ULK4: variants seen among roughly 807,000 people sequenced by gnomAD.
The protein encoded by ULK4 is unc-51 like kinase 4.
Under a neutral mutation model 160.6 loss-of-function variants are expected in ULK4, and 133 were observed. That is an observed-to-expected ratio of 0.83 (90% CI 0.72 to 0.96). The LOEUF (loss-of-function observed/expected upper bound fraction) is 0.96. ULK4 is among the 40% of genes least tolerant of loss of function. ULK4 has a pLI of 0.00. For synonymous variants in ULK4, 534 were observed against 539.8 expected (o/e 0.99, Z 0.15); for missense variants, 1,580 against 1,499.5 (o/e 1.05, Z -0.89).
Position 41,884,503 on chromosome 3 carries a change from A to G in ULK4, c.1578-551T>C, listed in dbSNP as rs150597264. On this transcript the variant is annotated intron_variant, in intron 16 of 36. Transcript: ENST00000301831. ...TCCAGCAGAAAACTGAAGTGGATAAATTACTATTAAATGACATTCAATGTG... is the reference window on the plus strand; with the variant it reads ...TCCAGCAGAAAACTGAAGTGGATAAGTTACTATTAAATGACATTCAATGTG... 4.1e-3 allele frequency among the ~76,000 whole-genome samples: 630 copies of G among 152,342 alleles called. 8 individuals carry two copies. The highest frequency in any genetic ancestry group is 0.015 in the African/African-American group (608 of 41,576).
At chr3:41,830,749 T>C (rs1281275746) in intron 18 of ULK4, among the ~76,000 whole-genome samples, 1 of 151,846 alleles carries the variant, frequency 6.6e-6, no homozygotes. Context: ...GCATCAAAGA[T>C]CTGACAAAAT....
At chr3:41,848,344 T>G (rs2042122005) in intron 17 of ULK4, among the ~76,000 whole-genome samples, 1 of 152,246 alleles carries the variant, frequency 6.6e-6, no homozygotes, top group Admixed American at 6.5e-5. Context: ...TGGATTTTTT[T>G]AATTAGATGT....
chr3:41,941,357 CTTTT>C (rs574203394), intron 2 of ULK4, among the ~76,000 whole-genome samples: 1 of 86,986 alleles, frequency 1.1e-5, no homozygotes, highest in Non-Finnish European at 2.8e-5. Flanking sequence ...AAAAAAAAAC[CTTTT>C]TTTTTAAAGT....
chr3:41,647,464 AC>A (rs1228961317), intron 30 of ULK4, among the ~76,000 whole-genome samples: 1 of 152,144 alleles, frequency 6.6e-6, no homozygotes, highest in Admixed American at 6.5e-5. Flanking sequence ...TCCACTCCAG[AC>A]CCTGTTTGCC....
At chr3:41,360,684 G>A (rs4973942) in intron 35 of ULK4, among the ~76,000 whole-genome samples, 39,628 of 151,950 alleles carry the variant, frequency 0.26, 5,413 homozygotes, top group South Asian at 0.41. Flanking sequence ...CAAATACCAC[G>A]TGTTTTCAAT....
At chr3:41,340,009 GA>G (rs2080647962) in intron 35 of ULK4, among the ~76,000 whole-genome samples, 1 of 152,158 alleles carries the variant, frequency 6.6e-6, no homozygotes, top group Admixed American at 6.5e-5. Context: ...AATGAAAAAG[GA>G]AAATGTCACC....
chr3:41,883,443 T>C (rs1269462262), intron 17 of ULK4, among the ~76,000 whole-genome samples: 1 of 152,208 alleles, frequency 6.6e-6, no homozygotes, highest in Non-Finnish European at 1.5e-5. Flanking sequence ...ACCAATTAAG[T>C]GTAACATACG....
At position 41,607,248 on chromosome 3, in the gene ULK4, T is replaced by C. The variant is rs76534719; in HGVS notation, c.3120+8421A>G. Among the ~76,000 whole-genome samples the C allele has an allele frequency of 3.7e-3, 560 of 152,254 alleles. 4 individuals carry two copies. The East Asian group carries it at 0.04, about 11-fold the overall frequency. ...TAGGGGAAGGGATAAGGTGTATTTG[T>C]ATTCATTCCTTACAACAAAATTATT... is the stretch of plus-strand genomic sequence containing the variant. On this transcript the variant is annotated intron_variant, in intron 31 of 36. Transcript: ENST00000301831.
At chr3:41,665,957 G>C (rs2035338583) in intron 29 of ULK4, among the ~76,000 whole-genome samples, 4 of 152,190 alleles carry the variant, frequency 2.6e-5, no homozygotes. Context: ...ACAGTGAAAG[G>C]ATGCAGATTA....
intron 35 of ULK4, among the ~76,000 whole-genome samples, chr3:41,321,624 T>C (rs1415017484): frequency 2.7e-5 from 3 of 109,576 alleles, no homozygotes; most frequent in Non-Finnish European, 5.6e-5. Context: ...ACAGTCAGTC[T>C]CCCAACAGAT....
chr3:41,771,883 T>C (rs1472434424), intron 21 of ULK4, among the ~76,000 whole-genome samples: 1 of 152,234 alleles, frequency 6.6e-6, no homozygotes, highest in African/African-American at 2.4e-5. Context: ...CAAATCTTAG[T>C]ATTTGAAACT....
chr3:41,647,466 C>G (rs543203733), intron 30 of ULK4, among the ~76,000 whole-genome samples: 1 of 152,168 alleles, frequency 6.6e-6, no homozygotes. Flanking sequence ...CACTCCAGAC[C>G]CTGTTTGCCT....
intron 16 of ULK4, among the ~76,000 whole-genome samples, chr3:41,893,603 C>T (rs541210006): frequency 2.9e-4 from 44 of 151,854 alleles, no homozygotes; most frequent in African/African-American, 1.0e-3. Flanking sequence ...AAGATTTATT[C>T]TCAAAAATGT....
intron 32 of ULK4, among the ~76,000 whole-genome samples, chr3:41,562,696 TG>T (rs1441021042): frequency 6.6e-6 from 1 of 152,186 alleles, no homozygotes; most frequent in Non-Finnish European, 1.5e-5. Flanking sequence ...GCTTTTTTTT[TG>T]CTTTCCATTT....
At position 41,638,467 on chromosome 3, in the gene ULK4, T is replaced by A. The variant is rs144129189; in HGVS notation, c.3072-22750A>T. Among the ~76,000 whole-genome samples, 395 of 152,322 alleles carry A rather than the reference T, an allele frequency of 2.6e-3. 2 individuals carry two copies. The highest frequency in any genetic ancestry group is 8.9e-3 in the African/African-American group (370 of 41,570). On this transcript the variant is annotated intron_variant, in intron 30 of 36. Coordinates refer to ENST00000301831, the MANE Select transcript of ULK4 (RefSeq NM_017886.4). ...TGGTGTATTCTGAAGATACAAAGTGTCACCGAGGCATTGGCATCACTGAAG... is the reference window on the plus strand; with the variant it reads ...TGGTGTATTCTGAAGATACAAAGTGACACCGAGGCATTGGCATCACTGAAG...
At chr3:41,305,993 C>G in intron 35 of ULK4, among the ~76,000 whole-genome samples, 1 of 148,260 alleles carries the variant, frequency 6.7e-6, no homozygotes, top group Non-Finnish European at 1.5e-5. Flanking sequence ...GCAACCGCCC[C>G]GTCTGAGAAG....
In ULK4 at chr3:41,931,749, G is replaced by A; in HGVS notation, c.541+95C>T. The A allele has an allele frequency of 2.1e-6, 3 of 1,428,808 alleles. No homozygotes were observed. The South Asian group carries it at 4.0e-5, about 19-fold the overall frequency. The allele number at this position is 1,428,808 out of a possible 1,614,324, so 88.5% of individuals were successfully genotyped here. A position where few individuals can be genotyped will look rare whatever the true frequency, so the allele number is the denominator to read the frequency against. ...TTACCATTTTCAATATCTTATTTGA[G>A]TGGCAAAACAAAAGACTGACATTGT... On this transcript the variant is annotated intron_variant, in intron 5 of 36. Transcript: ENST00000301831.
chr3:41,689,046 C>T (rs2036194553), intron 27 of ULK4, among the ~76,000 whole-genome samples: 1 of 152,166 alleles, frequency 6.6e-6, no homozygotes, highest in Admixed American at 6.5e-5. Flanking sequence ...AAAAATGTTC[C>T]CCGAACCAAT....
intron 35 of ULK4, among the ~76,000 whole-genome samples, chr3:41,280,941 C>A (rs2079339723): frequency 6.6e-6 from 1 of 151,954 alleles, no homozygotes; most frequent in South Asian, 2.1e-4. Context: ...AGTGAAGAAT[C>A]AAATAGATAC....
Sources: allele counts gnomAD v4.1 joint callset (sites outside exome capture counted in the v4.1 genomes callset), GRCh38; gene constraint gnomAD v4.1.1; transcripts MANE v1.5; gene names NCBI Gene and HGNC (gene_info 2026-07-23, HGNC 2026-07-21).